The following DNAH11 variants were observed in gnomAD, a reference collection of about 807,000 sequenced individuals.
DNAH11 encodes the protein dynein axonemal heavy chain 11, also known as axonemal beta dynein heavy chain 11.
A neutral mutation model predicts 526.0 loss-of-function variants in DNAH11; 442 were observed. The observed-to-expected ratio is 0.84, with a 90% CI of 0.78 to 0.91. The LOEUF (loss-of-function observed/expected upper bound fraction) is 0.91. Among genes scored for constraint, DNAH11 ranks in the 40% least tolerant of loss-of-function variants. The pLI is 0.00. For missense variants in DNAH11, 6,989 were observed against 5,448.7 expected, an observed-to-expected ratio of 1.28 and a Z score of -8.90; for synonymous variants, 2,461 against 1,935.9, an observed-to-expected ratio of 1.27 and a Z score of -7.12.
chr7:21,897,261 A>G lies in DNAH11; in HGVS notation c.13050-2075A>G, dbSNP rs192985537. 4.6e-3 allele frequency among the ~76,000 whole-genome samples: 698 copies of G among 152,268 alleles called. 3 individuals carry two copies. Among genetic ancestry groups the G allele is most frequent in the African/African-American group, 0.016 (658 of 41,542 alleles). ...TCAAGACTTCTCTATTTCCTGGGTT[A>G]TAAACCTTCCTGTTTGTTGGATTTG... On this transcript the variant is annotated intron_variant, in intron 79 of 81. Transcript: ENST00000409508.
chr7:21,832,391 T>A (rs1389913387), intron 65 of DNAH11, among the ~76,000 whole-genome samples: 2 of 152,214 alleles, frequency 1.3e-5, no homozygotes, highest in Non-Finnish European at 2.9e-5. Flanking sequence ...CATTTGCTTG[T>A]CTGTAAAGGA....
At chr7:21,544,800 G>T (rs1238889044) in intron 1 of DNAH11, among the ~76,000 whole-genome samples, 2 of 152,038 alleles carry the variant, frequency 1.3e-5, no homozygotes, top group African/African-American at 4.8e-5. Flanking sequence ...CACCAGTAAT[G>T]CTGTGAAATT....
chr7:21,639,876 T>C (rs1304629367), intron 28 of DNAH11, among the ~76,000 whole-genome samples: 1 of 152,186 alleles, frequency 6.6e-6, no homozygotes, highest in African/African-American at 2.4e-5. Flanking sequence ...ATGTTTTTTT[T>C]TTCTCAGAAA....
intron 65 of DNAH11, among the ~76,000 whole-genome samples, chr7:21,841,298 A>G (rs917775386): frequency 6.6e-6 from 1 of 152,206 alleles, no homozygotes; most frequent in Non-Finnish European, 1.5e-5. Flanking sequence ...AAGATGCATT[A>G]TACATATATA....
Position 21,810,717 on chromosome 7 carries a change from A to G in DNAH11, c.10332+2668A>G, listed in dbSNP as rs372049200. 2.8e-3 allele frequency among the ~76,000 whole-genome samples: 424 copies of G among 152,254 alleles called. 9 individuals carry two copies. In the South Asian group the frequency reaches 0.05, roughly 18 times the overall value. On this transcript the variant is annotated intron_variant, in intron 63 of 81. Coordinates refer to ENST00000409508, the MANE Select transcript of DNAH11 (RefSeq NM_001277115.2). ...TAGGAGTAAAAAGAGAGGAAAGAGA[A>G]TGCCAAATCTAGCCAGGTTTATAGG...
At chr7:21,752,379 T>C (rs1274119928) in intron 54 of DNAH11, among the ~76,000 whole-genome samples, 1 of 152,224 alleles carries the variant, frequency 6.6e-6, no homozygotes, top group Non-Finnish European at 1.5e-5. Flanking sequence ...TCAGCTAATA[T>C]CCAGTATGGC....
At chr7:21,861,710 G>C in intron 68 of DNAH11, 143 bp from the exon 69 acceptor site, 1 of 674,128 alleles carries the variant, frequency 1.5e-6, no homozygotes, top group South Asian at 2.2e-5. Flanking sequence ...TGTACCATGT[G>C]CCAGAAACTA....
chr7:21,807,828 G>A, intron 62 of DNAH11, 55 bp from the exon 63 acceptor site: 2 of 1,527,466 alleles, frequency 1.3e-6, no homozygotes, highest in African/African-American at 1.4e-5. Context: ...TTAAGCATTT[G>A]TGGAGTTGAC....
chr7:21,720,428 C>G (rs1207079446), intron 43 of DNAH11, among the ~76,000 whole-genome samples: 4 of 141,152 alleles, frequency 2.8e-5, no homozygotes, highest in African/African-American at 1.0e-4. Flanking sequence ...AATATGTACC[C>G]TTTTTTTTTT....
At chr7:21,603,712 GAT>G (rs1310487307) in intron 18 of DNAH11, among the ~76,000 whole-genome samples, 1 of 152,186 alleles carries the variant, frequency 6.6e-6, no homozygotes, top group Non-Finnish European at 1.5e-5. Flanking sequence ...AAGATGAAGA[GAT>G]AAAACAGTTA....
chr7:21,852,689 G>C, intron 67 of DNAH11, 58 bp downstream of exon 67: 2 of 1,496,646 alleles, frequency 1.3e-6, no homozygotes, highest in South Asian at 1.5e-5. Flanking sequence ...TGAGACATGT[G>C]GGGTGGGCAG....
At chr7:21,671,936 GT>G (rs1782656384) in intron 30 of DNAH11, among the ~76,000 whole-genome samples, 1 of 152,178 alleles carries the variant, frequency 6.6e-6, no homozygotes, top group African/African-American at 2.4e-5. Flanking sequence ...TGCACTGGTG[GT>G]TTTAGCAGTA....
rs774206120 is a variant in DNAH11 at position 21,705,480 on chromosome 7, G to A, written c.6489G>A (p.Leu2163=). ...FILKVVQLEE[L]LAVRHSVFVV... ...TGCAGGTTGTCCAGCTTGAGGAACT[G>A]TTGGCTGTGCGGCACTCGGTCTTTG... The change falls in exon 39 of 82, where the codon CTG becomes CTA. Residue 2163 remains leucine (L), a synonymous_variant. Transcript: ENST00000409508. 6.2e-7 allele frequency: 1 copy of A among 1,613,594 alleles called. No individual in the cohort carries two copies. Among genetic ancestry groups the A allele is most frequent in the Non-Finnish European group, 8.5e-7 (1 of 1,179,702 alleles).
chr7:21,891,426 G>A (rs990985047), intron 76 of DNAH11, among the ~76,000 whole-genome samples: 1 of 152,172 alleles, frequency 6.6e-6, no homozygotes, highest in African/African-American at 2.4e-5. Flanking sequence ...GGGGTTAATG[G>A]TCCCTGGAAA....
At chr7:21,724,429 G>A (rs992456223) in intron 44 of DNAH11, among the ~76,000 whole-genome samples, 4 of 152,206 alleles carry the variant, frequency 2.6e-5, no homozygotes, top group East Asian at 1.9e-4. Context: ...ACATAGGGAC[G>A]TCAAAGTAAA....
intron 4 of DNAH11, 114 bp downstream of exon 4, chr7:21,559,906 CTCTTT>C: frequency 1.1e-6 from 1 of 897,368 alleles, no homozygotes; most frequent in Non-Finnish European, 1.7e-6. Flanking sequence ...CTGGTCTGCC[CTCTTT>C]TCTTAATCCA....
chr7:21,549,966 G>C (rs1459220886), intron 2 of DNAH11, among the ~76,000 whole-genome samples: 1 of 152,080 alleles, frequency 6.6e-6, no homozygotes, highest in Non-Finnish European at 1.5e-5. Context: ...TGATTGAGTA[G>C]GGGGGAGTCC....
chr7:21,876,733 A>G (rs1193406768), intron 74 of DNAH11, among the ~76,000 whole-genome samples: 3 of 152,182 alleles, frequency 2.0e-5, no homozygotes, highest in Admixed American at 1.3e-4. Context: ...TCCTGACAGG[A>G]GGATGGAAGA....
At chr7:21,819,899 C>T (rs1313374629) in intron 65 of DNAH11, among the ~76,000 whole-genome samples, 1 of 152,094 alleles carries the variant, frequency 6.6e-6, no homozygotes. Flanking sequence ...TCTGTTAAGC[C>T]TTGATGAATT....
Sources: allele counts gnomAD v4.1 joint callset (sites outside exome capture counted in the v4.1 genomes callset), GRCh38; gene constraint gnomAD v4.1.1; transcripts MANE v1.5; gene names NCBI Gene and HGNC (gene_info 2026-07-23, HGNC 2026-07-21).